The following DOK7 variants were observed in gnomAD, a reference collection of about 807,000 sequenced individuals.
The protein encoded by DOK7 is protein Dok-7.
A neutral mutation model predicts 30.7 loss-of-function variants in DOK7; 32 were observed. That is an observed-to-expected ratio of 1.04 (90% CI 0.79 to 1.40). DOK7 has a LOEUF of 1.40. Ranked by LOEUF, DOK7 falls within the 40% of genes most tolerant of loss-of-function variation. The pLI, the probability that DOK7 is intolerant of heterozygous loss-of-function variation, is 0.00. For missense variants in DOK7, 1,007 were observed against 699.2 expected (o/e 1.44, Z -4.97); for synonymous variants, 447 against 324.1 (o/e 1.38, Z -4.07).
At chr4:3,500,158 G>C in intron 6 of DOK7, 1 of 1,431,852 alleles carries the variant, frequency 7.0e-7, no homozygotes, top group South Asian at 1.3e-5. Context: ...GGGAGGAGGG[G>C]CTAGGCAGGG....
intron 4 of DOK7, among the ~76,000 whole-genome samples, chr4:3,482,056 C>T (rs1475302275): frequency 6.6e-6 from 1 of 152,114 alleles, no homozygotes; most frequent in East Asian, 1.9e-4. Context: ...CATGCTCTTT[C>T]CTCTTACCCT....
rs775014794 is a variant in DOK7, at chr4:3,476,470, C to G, written c.460C>G (p.Leu154Val). ...CCCGGCTGTCACGGGGCAGTGGAAG[C>G]TGTCTGACCTCCGGCGCTACGGGGC... ...IPPAVTGQWKLSDLRRYGAVP... is the reference protein window; with the variant it reads ...IPPAVTGQWKVSDLRRYGAVP... Residue 154 changes from leucine (L) to valine (V), a missense_variant, in exon 4 of 7, where the codon CTG (leucine) becomes GTG (valine). Coordinates refer to ENST00000340083, the MANE Select transcript of DOK7 (RefSeq NM_173660.5). The G allele has an allele frequency of 1.2e-6, 2 of 1,613,750 alleles. No homozygotes were observed. Among genetic ancestry groups the G allele is most frequent in the Non-Finnish European group, 1.7e-6 (2 of 1,180,042 alleles).
At chr4:3,488,806 G>GAA (rs879731200) in intron 5 of DOK7, among the ~76,000 whole-genome samples, 11,259 of 146,516 alleles carry the variant, frequency 0.077, 586 homozygotes, top group Non-Finnish European at 0.11. Flanking sequence ...TCCCTGCCAG[G>GAA]GAAACTCTTT....
At chr4:3,480,832 C>T (rs1177817437) in intron 4 of DOK7, among the ~76,000 whole-genome samples, 4 of 152,064 alleles carry the variant, frequency 2.6e-5, no homozygotes, top group East Asian at 1.9e-4. Flanking sequence ...TCAGACGGTC[C>T]GGCCTCAGAG....
chr4:3,468,646 G>T (rs1466156566), intron 2 of DOK7, among the ~76,000 whole-genome samples: 2 of 140,612 alleles, frequency 1.4e-5, no homozygotes, highest in African/African-American at 5.1e-5. Flanking sequence ...GCCTGTGTGT[G>T]TGCATGTATG....
intron 6 of DOK7, among the ~76,000 whole-genome samples, chr4:3,492,389 G>A (rs1422340161): frequency 6.6e-6 from 1 of 152,000 alleles, no homozygotes; most frequent in Non-Finnish European, 1.5e-5. Flanking sequence ...GCTGCCCCAG[G>A]TGGCCCTGGA....
chr4:3,486,301 G>A (rs889027643), intron 5 of DOK7, among the ~76,000 whole-genome samples: 1 of 152,232 alleles, frequency 6.6e-6, no homozygotes, highest in Admixed American at 6.5e-5. Context: ...AGGTCGGGGC[G>A]GGTGCTGGGC....
At chr4:3,484,549 C>T (rs1560219157) in intron 4 of DOK7, 24 of 985,528 alleles carry the variant, frequency 2.4e-5, no homozygotes, top group Non-Finnish European at 2.9e-5. Context: ...GGCCCATTCA[C>T]GCGGCCGCCA....
intron 4 of DOK7, chr4:3,484,429 C>T (rs908983598): frequency 4.2e-6 from 4 of 949,910 alleles, no homozygotes; most frequent in African/African-American, 1.8e-5. Context: ...ACCCCGGCGC[C>T]TTCCCTCCTG....
chr4:3,494,301 A>C lies in DOK7; in HGVS notation c.*800A>C, dbSNP rs1728766116. 1 of 985,400 alleles carries C rather than the reference A, an allele frequency of 1.0e-6. No individual in the cohort carries two copies. Among genetic ancestry groups the C allele is most frequent in the South Asian group, 4.7e-5 (1 of 21,286 alleles). The allele number at this position is 985,400 out of a possible 1,614,324, so 61.0% of individuals were successfully genotyped here. The stretch of plus-strand genomic sequence containing the variant: ...GCCCAGGCCTCAGCCCCTGCGTCGG[A>C]GGTGGGGCTGTGTTGGGCCCATTGT... On this transcript the variant is annotated 3_prime_UTR_variant, in exon 7 of 7. Transcript: ENST00000340083.
chr4:3,463,363 AC>A lies in DOK7; in HGVS notation c.-11del. 6.8e-7 allele frequency: 1 copy of A among 1,470,856 alleles called. No homozygotes were observed. The allele number at this position is 1,470,856 out of a possible 1,614,324, so 91.1% of individuals were successfully genotyped here. A position where few individuals can be genotyped will look rare whatever the true frequency, so the allele number is the denominator to read the frequency against. On this transcript the variant is annotated 5_prime_UTR_variant, in exon 1 of 7. Coordinates refer to ENST00000340083, the MANE Select transcript of DOK7 (RefSeq NM_173660.5). ...GCCGGGGCGAGCGCGGCGGCGCGGA[AC>A]CATGACAGAAGATGACCGAGGCGGC...
chr4:3,491,582 C>T (rs929357026), intron 6 of DOK7, among the ~76,000 whole-genome samples: 4 of 150,740 alleles, frequency 2.7e-5, no homozygotes, highest in Non-Finnish European at 5.9e-5. Flanking sequence ...TATGGTTCCA[C>T]ATTTACTAAA....
At chr4:3,489,923 C>G in intron 6 of DOK7, 127 bp downstream of exon 6, 1 of 1,402,968 alleles carries the variant, frequency 7.1e-7, no homozygotes, top group South Asian at 1.4e-5. Flanking sequence ...CCTTCTGTCT[C>G]CTGCTCATTC....
At chr4:3,496,950 A>C, downstream of DOK7, 2 of 79,238 alleles carry the variant, frequency 2.5e-5, no homozygotes, top group Non-Finnish European at 4.3e-5. Flanking sequence ...GTTTGACTAG[A>C]TGGGGAGGGG....
At chr4:3,474,765 T>A (rs1302366426) in intron 3 of DOK7, among the ~76,000 whole-genome samples, 1 of 151,734 alleles carries the variant, frequency 6.6e-6, no homozygotes, top group Non-Finnish European at 1.5e-5. Flanking sequence ...GAGGTTGCAA[T>A]GAGCTGAGAT....
intron 2 of DOK7, among the ~76,000 whole-genome samples, chr4:3,473,001 A>G (rs946181790): frequency 3.3e-5 from 5 of 152,186 alleles, no homozygotes; most frequent in African/African-American, 1.2e-4. Context: ...GGACTGGCAG[A>G]ACCAGGGCAG....
At chr4:3,482,951 G>A (rs111746167) in intron 4 of DOK7, among the ~76,000 whole-genome samples, 1 of 152,074 alleles carries the variant, frequency 6.6e-6, no homozygotes, top group Non-Finnish European at 1.5e-5. Flanking sequence ...CACCACAGAG[G>A]GGCTGTCGGG....
At chr4:3,490,252 C>CTGCTCATTCATTCCTTCCTTCCCCACCT (rs1447295258) in intron 6 of DOK7, among the ~76,000 whole-genome samples, 3 of 124,410 alleles carry the variant, frequency 2.4e-5, no homozygotes, top group Non-Finnish European at 5.0e-5. Flanking sequence ...CCTTTTCTCC[C>CTGCTCATTCATTCCTTCCTTCCCCACCT]TGCTCATTCA....
At chr4:3,496,785 G>A, downstream of DOK7, 9 of 1,535,590 alleles carry the variant, frequency 5.9e-6, no homozygotes, top group South Asian at 1.2e-5. Context: ...GGGGAAGACT[G>A]AAGGATGCAC....
Sources: gnomAD v4.1 joint callset for allele counts (sites outside exome capture counted in the v4.1 genomes callset) on GRCh38, gnomAD v4.1.1 for gene constraint, MANE v1.5 for transcripts, NCBI Gene and HGNC (gene_info 2026-07-23, HGNC 2026-07-21) for gene names.